The following PIGF variants were observed in gnomAD, a reference collection of about 807,000 sequenced individuals.
PIGF encodes the protein phosphatidylinositol glycan anchor biosynthesis class F.
A neutral mutation model predicts 26.0 loss-of-function variants in PIGF; 23 were observed. The ratio of observed to expected loss-of-function variants is 0.88; its 90% CI spans 0.64 to 1.25. The LOEUF (loss-of-function observed/expected upper bound fraction) is 1.25. Ranked by LOEUF, PIGF falls within the 50% of genes most tolerant of loss-of-function variation. PIGF has a pLI of 0.00. For synonymous variants in PIGF, 93 were observed against 92.6 expected (o/e 1.00, Z -0.03); for missense variants, 278 against 249.9 (o/e 1.11, Z -0.76).
intron 4 of PIGF, among the ~76,000 whole-genome samples, chr2:46,600,653 G>A (rs1159705665): frequency 4.1e-4 from 62 of 152,072 alleles, no homozygotes; most frequent in Admixed American, 4.0e-3. Context: ...TAATAACAAG[G>A]AGAATCAGTA....
At position 46,588,171 on chromosome 2, in the gene PIGF, T is replaced by TAAAA; in HGVS notation, c.546+4303_546+4304insTTTT. 6.2e-7 allele frequency: 1 copy of TAAAA among 1,612,428 alleles called. No individual in the cohort carries two copies. Among genetic ancestry groups the TAAAA allele is most frequent in the Non-Finnish European group, 8.5e-7 (1 of 1,179,226 alleles). On this transcript the variant is annotated intron_variant, in intron 5 of 5. Coordinates refer to ENST00000281382, the MANE Select transcript of PIGF (RefSeq NM_002643.4). This position sits in a 1 kb window ranked among gnomAD's most constrained non-coding sequence, Gnocchi z 4.1. Reference sequence around the variant, plus strand: ...ATCTATAAGTGCTACGTTTTCTTTCTACTGTCATCTGAAATGTCAGACAGG... The same window carrying TAAAA: ...ATCTATAAGTGCTACGTTTTCTTTCTAAAAACTGTCATCTGAAATGTCAGACAGG...
intron 4 of PIGF, among the ~76,000 whole-genome samples, chr2:46,596,945 T>C (rs899776341): frequency 2.8e-4 from 43 of 152,234 alleles, no homozygotes; most frequent in Non-Finnish European, 2.6e-4. Flanking sequence ...AATCTTTAAT[T>C]GTCCATGGAT....
chr2:46,610,505 A>G (rs1670375779), intron 4 of PIGF, among the ~76,000 whole-genome samples: 1 of 150,994 alleles, frequency 6.6e-6, no homozygotes, highest in African/African-American at 2.4e-5. Context: ...AGACGGTTCC[A>G]AGGGAAAACA....
At chr2:46,585,640 T>TAA (rs1669545613) in intron 5 of PIGF, among the ~76,000 whole-genome samples, 1 of 152,190 alleles carries the variant, frequency 6.6e-6, no homozygotes, top group Non-Finnish European at 1.5e-5. Flanking sequence ...AAATTAAACT[T>TAA]ACACAAACAG....
intron 4 of PIGF, among the ~76,000 whole-genome samples, chr2:46,605,729 T>C (rs984135703): frequency 3.9e-5 from 6 of 152,110 alleles, no homozygotes; most frequent in African/African-American, 1.4e-4. Flanking sequence ...CACCATCTAA[T>C]GATCTAGATT....
At chr2:46,590,946 T>C (rs574672647) in intron 5 of PIGF, among the ~76,000 whole-genome samples, 2 of 152,302 alleles carry the variant, frequency 1.3e-5, no homozygotes, top group African/African-American at 4.8e-5. Flanking sequence ...GCACAAAGAA[T>C]AGAGCTAAAT....
intron 4 of PIGF, among the ~76,000 whole-genome samples, chr2:46,598,683 G>C (rs1137748): frequency 0.24 from 36,016 of 151,900 alleles, 5,219 homozygotes; most frequent in African/African-American, 0.41. Context: ...ATGGAGAGAA[G>C]AGTGGGAATA....
intron 4 of PIGF, among the ~76,000 whole-genome samples, chr2:46,610,514 C>G (rs894051908): frequency 6.9e-6 from 1 of 144,244 alleles, no homozygotes; most frequent in Admixed American, 7.0e-5. Flanking sequence ...CAAGGGAAAA[C>G]AGTACTGATT....
chr2:46,591,165 A>AT (rs1215914259), intron 5 of PIGF, among the ~76,000 whole-genome samples: 1 of 152,256 alleles, frequency 6.6e-6, no homozygotes, highest in Non-Finnish European at 1.5e-5. Context: ...ATGTTCTTTA[A>AT]TAAAAAACTG....
rs1669364086 is a variant in PIGF at position 46,581,374 on chromosome 2, A to G, written c.*104T>C. The G allele has an allele frequency of 1.3e-6, 2 of 1,492,286 alleles. No homozygotes were observed. Among genetic ancestry groups the G allele is most frequent in the African/African-American group, 1.4e-5 (1 of 71,150 alleles). The allele number at this position is 1,492,286 out of a possible 1,614,324, so 92.4% of individuals were successfully genotyped here. On this transcript the variant is annotated 3_prime_UTR_variant, in exon 6 of 6. Coordinates refer to ENST00000281382, the MANE Select transcript of PIGF (RefSeq NM_002643.4). ...GCTACAATCACATCATGTTGTAACTACGTAAAAAACAGAGCTGTAAATGGA... is the reference window on the plus strand; with the variant it reads ...GCTACAATCACATCATGTTGTAACTGCGTAAAAAACAGAGCTGTAAATGGA...
In PIGF at chr2:46,592,504, T is replaced by G. The variant is rs199892069; in HGVS notation, c.517A>C (p.Ile173Leu). The G allele has an allele frequency of 1.2e-6, 2 of 1,605,396 alleles. No individual in the cohort carries two copies. The highest frequency in any genetic ancestry group is 1.7e-5 in the Admixed American group (1 of 60,020). ...FVGAWLGALP[I>L]PLDWERPWQV... Reference sequence around the variant, plus strand: ...CATGGTCTTTCCCAATCCAGTGGAATAGGAAGTGCTCCAAGCCATGCTCCT... The same window carrying G: ...CATGGTCTTTCCCAATCCAGTGGAAGAGGAAGTGCTCCAAGCCATGCTCCT... The change falls in exon 5 of 6, where the codon ATT (isoleucine) becomes CTT (leucine). Residue 173 changes from isoleucine (I) to leucine (L), a missense_variant. Coordinates refer to ENST00000281382, the MANE Select transcript of PIGF (RefSeq NM_002643.4).
At chr2:46,590,113 A>C (rs1669683502) in intron 5 of PIGF, among the ~76,000 whole-genome samples, 2 of 152,138 alleles carry the variant, frequency 1.3e-5, no homozygotes, top group South Asian at 4.1e-4. Flanking sequence ...AGCTGAATGA[A>C]ACACTCTTAA....
intron 5 of PIGF, among the ~76,000 whole-genome samples, chr2:46,592,111 G>C (rs1669739395): frequency 6.6e-6 from 1 of 152,144 alleles, no homozygotes. Context: ...CAGCCACTTG[G>C]GAGGCTGAAG....
At chr2:46,597,480 T>G (rs1024533560) in intron 4 of PIGF, among the ~76,000 whole-genome samples, 3 of 152,176 alleles carry the variant, frequency 2.0e-5, no homozygotes, top group African/African-American at 7.2e-5. Flanking sequence ...TGGCACGATC[T>G]TGGCTTACTG....
chr2:46,607,441 A>G (rs1271281592), intron 4 of PIGF, among the ~76,000 whole-genome samples: 1 of 152,256 alleles, frequency 6.6e-6, no homozygotes, highest in Non-Finnish European at 1.5e-5. Flanking sequence ...ATTGTACAAT[A>G]AAGTGAGTCA....
In PIGF at chr2:46,581,288, A is replaced by G. The variant is rs1453953834; in HGVS notation, c.*190T>C. ...TAAGCAGCATCTGAAGCCACAATCT[A>G]TTATAAATACTTTATTTCAACTAGA... On this transcript the variant is annotated 3_prime_UTR_variant, in exon 6 of 6. Transcript: ENST00000281382. The G allele has an allele frequency of 4.1e-6, 4 of 984,684 alleles. No individual in the cohort carries two copies. The highest frequency in any genetic ancestry group is 5.9e-6 in the Non-Finnish European group (4 of 677,164). The allele number at this position is 984,684 out of a possible 1,614,324, so 61.0% of individuals were successfully genotyped here.
rs559692231 is a variant in PIGF at position 46,581,520 on chromosome 2, C to A, written c.618G>T (p.Trp206Cys). The change falls in exon 6 of 6, where the codon TGG becomes TGT. Residue 206 changes from tryptophan to cysteine, a missense_variant. Physicochemically the swap from Trp to Cys is radical, Grantham distance 215. Coordinates refer to ENST00000281382, the MANE Select transcript of PIGF (RefSeq NM_002643.4). ...YVAGLVISPLWIYWNRKQLTY... is the reference protein window; with the variant it reads ...YVAGLVISPLCIYWNRKQLTY... ...TAAGTTGCTTTCTATTCCAGTATAT[C>A]CAGAGTGGTGAAATAACAAGGCCAG... is the stretch of plus-strand genomic sequence containing the variant. The A allele has an allele frequency of 3.4e-5, 54 of 1,611,564 alleles. No individual in the cohort carries two copies. The African/African-American group carries it at 6.1e-4, about 18-fold the overall frequency.
rs1455766873 is a variant in PIGF, at chr2:46,615,084, T to C, written c.81A>G (p.Pro27=). The C allele has an allele frequency of 1.9e-6, 3 of 1,589,248 alleles. No individual in the cohort carries two copies. Among genetic ancestry groups the C allele is most frequent in the Non-Finnish European group, 2.6e-6 (3 of 1,157,386 alleles). ...TTGAGAAGTTCTCCAAGAAGAGTGA[T>C]GGAATGAAGACACTTAGGATAATTG... The part of the protein sequence containing the change: ...IFSIILSVFI[P]SLFLENFSIL... The change falls in exon 2 of 6, where the codon CCA becomes CCG. Residue 27 remains proline (P), a synonymous_variant. Coordinates refer to ENST00000281382, the MANE Select transcript of PIGF (RefSeq NM_002643.4).
intron 5 of PIGF, chr2:46,591,809 G>A (rs899551260): frequency 2.3e-6 from 3 of 1,290,032 alleles, no homozygotes; most frequent in African/African-American, 3.1e-5. Context: ...TTACCTCACA[G>A]TGCTTTACCT....
Sources: gnomAD v4.1 joint callset for allele counts (sites outside exome capture counted in the v4.1 genomes callset) on GRCh38, gnomAD v4.1.1 for gene constraint, Gnocchi (gnomAD v3.1) non-coding constraint, MANE v1.5 for transcripts, NCBI Gene and HGNC (gene_info 2026-07-23, HGNC 2026-07-21) for gene names.